SOX5: variants seen among roughly 807,000 people sequenced by gnomAD.
SOX5 encodes transcription factor SOX-5.
In SOX5, 9 loss-of-function variants were observed where a neutral mutation model predicts 92.0. The observed-to-expected ratio is 0.10, with a 90% CI of 0.06 to 0.17. The LOEUF (loss-of-function observed/expected upper bound fraction) is 0.17. SOX5 is among the 10% of genes least tolerant of loss of function. The pLI is 1.00. For synonymous variants in SOX5, 344 were observed against 336.3 expected, an observed-to-expected ratio of 1.02 and a Z score of -0.25; for missense variants, 642 against 944.5, an observed-to-expected ratio of 0.68 and a Z score of 4.20.
intron 3 of SOX5, among the ~76,000 whole-genome samples, chr12:23,763,316 A>C (rs1248738413): frequency 6.6e-6 from 1 of 152,194 alleles, no homozygotes; most frequent in East Asian, 1.9e-4. Context: ...GTTGACTAAC[A>C]TTACAACTAC....
intron 6 of SOX5, among the ~76,000 whole-genome samples, chr12:23,713,254 C>A (rs1042357586): frequency 6.6e-6 from 1 of 152,166 alleles, no homozygotes; most frequent in Non-Finnish European, 1.5e-5. Context: ...GAGAGGCATG[C>A]TACAGATGCT....
At chr12:24,114,573 C>CAAAAAAAAAAAAAAAAA (rs55913110) in intron 4 of SOX5, among the ~76,000 whole-genome samples, 10 of 40,596 alleles carry the variant, frequency 2.5e-4, no homozygotes, top group Non-Finnish European at 2.9e-4. Flanking sequence ...CACCCCGTCA[C>CAAAAAAAAAAAAAAAAA]AAAAAAAAAA....
At chr12:24,205,515 A>T (rs1957933890) in intron 4 of SOX5, among the ~76,000 whole-genome samples, 1 of 152,206 alleles carries the variant, frequency 6.6e-6, no homozygotes, top group South Asian at 2.1e-4. Context: ...ATAGATCATG[A>T]TAAAAGGGAG....
At chr12:23,898,133 T>C (rs1356424236) in intron 1 of SOX5, among the ~76,000 whole-genome samples, 1 of 152,234 alleles carries the variant, frequency 6.6e-6, no homozygotes, top group Non-Finnish European at 1.5e-5. Context: ...CTTCTGATTC[T>C]CATGTAAAGA....
At chr12:23,856,452 C>A (rs986959277) in intron 2 of SOX5, among the ~76,000 whole-genome samples, 1 of 152,024 alleles carries the variant, frequency 6.6e-6, no homozygotes, top group Non-Finnish European at 1.5e-5. Context: ...GGGCTTTTAA[C>A]AAATAATTCT....
At chr12:24,329,372 C>T (rs747643281) in intron 2 of SOX5, among the ~76,000 whole-genome samples, 4 of 151,968 alleles carry the variant, frequency 2.6e-5, no homozygotes, top group Non-Finnish European at 5.9e-5. Flanking sequence ...GAAGAGTGTC[C>T]AAGAGAAGCA....
chr12:24,032,017 C>G (rs1955564964), intron 4 of SOX5, among the ~76,000 whole-genome samples: 1 of 151,808 alleles, frequency 6.6e-6, no homozygotes, highest in African/African-American at 2.4e-5. Context: ...ATTTAAAATG[C>G]TGTTACTATT....
intron 4 of SOX5, among the ~76,000 whole-genome samples, chr12:24,065,596 G>A (rs1964650): frequency 2.2e-5 from 3 of 136,668 alleles, no homozygotes; most frequent in African/African-American, 5.7e-5. Flanking sequence ...GCAGTGAGCT[G>A]AGATCACATC....
chr12:24,204,154 C>T (rs1230462958), intron 4 of SOX5, among the ~76,000 whole-genome samples: 1 of 152,056 alleles, frequency 6.6e-6, no homozygotes, highest in Non-Finnish European at 1.5e-5. Context: ...CAGATACATA[C>T]ATACTTTCTT....
chr12:24,283,449 T>C (rs1427201509), intron 2 of SOX5, among the ~76,000 whole-genome samples: 2 of 152,226 alleles, frequency 1.3e-5, no homozygotes, highest in Non-Finnish European at 2.9e-5. Flanking sequence ...ACGGTGCCTT[T>C]GTCTGAGTAA....
chr12:23,673,684 A>T (rs2085169535), intron 6 of SOX5, among the ~76,000 whole-genome samples: 1 of 152,152 alleles, frequency 6.6e-6, no homozygotes, highest in South Asian at 2.1e-4. Flanking sequence ...TAAAATTAAT[A>T]AAAATGGCAG....
chr12:23,886,542 T>C (rs2097068712), intron 2 of SOX5, among the ~76,000 whole-genome samples: 1 of 151,950 alleles, frequency 6.6e-6, no homozygotes, highest in Non-Finnish European at 1.5e-5. Flanking sequence ...TTTTTTTTTT[T>C]CTTTTTTGGA....
chr12:24,189,261 G>GTCT (rs1956298372), intron 4 of SOX5, among the ~76,000 whole-genome samples: 1 of 152,054 alleles, frequency 6.6e-6, no homozygotes, highest in East Asian at 1.9e-4. Context: ...TACCTGAAAG[G>GTCT]CCTAAGAGCC....
chr12:23,621,291 G>A (rs553801928), intron 8 of SOX5, among the ~76,000 whole-genome samples: 1 of 152,084 alleles, frequency 6.6e-6, no homozygotes, highest in African/African-American at 2.4e-5. Context: ...AGGGGATGGG[G>A]GAAGAGGAAA....
chr12:24,479,139 T>C (rs953402515), intron 1 of SOX5, among the ~76,000 whole-genome samples: 18 of 152,230 alleles, frequency 1.2e-4, no homozygotes, highest in African/African-American at 4.3e-4. Context: ...GTTCTCTCTA[T>C]AAGAAATGTC....
intron 4 of SOX5, among the ~76,000 whole-genome samples, chr12:23,743,362 T>C (rs752548150): frequency 3.9e-5 from 6 of 152,134 alleles, no homozygotes; most frequent in Middle Eastern, 3.4e-3. Flanking sequence ...CAGGCTGGAG[T>C]ACAGTGGCAC....
At chr12:23,845,187 T>A (rs2096561213) in intron 3 of SOX5, among the ~76,000 whole-genome samples, 1 of 152,218 alleles carries the variant, frequency 6.6e-6, no homozygotes, top group Admixed American at 6.5e-5. Context: ...TGCACATCAT[T>A]GTTTATTTGT....
At chr12:23,839,990 C>CA (rs142394109) in intron 3 of SOX5, among the ~76,000 whole-genome samples, 1,689 of 121,792 alleles carry the variant, frequency 0.014, 20 homozygotes, top group Non-Finnish European at 0.02. Flanking sequence ...CTCAAGAAGA[C>CA]AAAAAAAAAA....
intron 1 of SOX5, among the ~76,000 whole-genome samples, chr12:24,472,608 G>A (rs1944931648): frequency 6.6e-6 from 1 of 152,094 alleles, no homozygotes; most frequent in African/African-American, 2.4e-5. Flanking sequence ...AATTGTACTT[G>A]GGTCCATAGA....
Sources: gnomAD v4.1 joint callset for allele counts (sites outside exome capture counted in the v4.1 genomes callset) on GRCh38, gnomAD v4.1.1 for gene constraint, MANE v1.5 for transcripts, NCBI Gene and HGNC (gene_info 2026-07-23, HGNC 2026-07-21) for gene names.